Variants in TAFA1 observed in about 807,000 individuals in gnomAD.
TAFA1 encodes the protein TAFA chemokine like family member 1.
A neutral mutation model predicts 18.5 loss-of-function variants in TAFA1; 4 were observed. The observed-to-expected ratio is 0.22, with a 90% confidence interval of 0.11 to 0.49. The LOEUF is 0.49. TAFA1 is among the 20% of genes least tolerant of loss of function. The pLI, the probability that TAFA1 is intolerant of heterozygous loss-of-function variation, is 0.98. For missense variants in TAFA1, 147 were observed against 169.0 expected, an observed-to-expected ratio of 0.87 and a Z score of 0.72; for synonymous variants, 56 against 55.2, an observed-to-expected ratio of 1.01 and a Z score of -0.06.
intron 2 of TAFA1, among the ~76,000 whole-genome samples, chr3:68,131,786 T>C (rs939675278): frequency 6.6e-6 from 1 of 152,228 alleles, no homozygotes; most frequent in Admixed American, 6.5e-5. Flanking sequence ...GGCTCTGCCA[T>C]TTAGCAGACG....
intron 2 of TAFA1, among the ~76,000 whole-genome samples, chr3:68,199,605 G>A (rs1575675431): frequency 1.3e-5 from 2 of 151,398 alleles, no homozygotes; most frequent in African/African-American, 4.8e-5. Context: ...CATTTTGGGG[G>A]ATGCTAATGT....
intron 3 of TAFA1, among the ~76,000 whole-genome samples, chr3:68,485,791 T>C (rs2072324251): frequency 6.6e-6 from 1 of 152,176 alleles, no homozygotes; most frequent in Non-Finnish European, 1.5e-5. Flanking sequence ...AATACTAAAA[T>C]GTACATTTTG....
intron 1 of TAFA1, among the ~76,000 whole-genome samples, chr3:68,006,034 A>C (rs777174928): frequency 6.6e-6 from 1 of 152,234 alleles, no homozygotes; most frequent in East Asian, 1.9e-4. Flanking sequence ...TAGGTGTTGC[A>C]TCTGAAACTC....
At chr3:68,437,289 A>G (rs1284918833) in intron 3 of TAFA1, among the ~76,000 whole-genome samples, 1 of 152,116 alleles carries the variant, frequency 6.6e-6, no homozygotes, top group East Asian at 1.9e-4. Context: ...TCTTGGCACA[A>G]TGTTAAAGAG....
At chr3:68,048,944 A>T (rs1010234127) in intron 2 of TAFA1, among the ~76,000 whole-genome samples, 2 of 152,126 alleles carry the variant, frequency 1.3e-5, no homozygotes, top group African/African-American at 2.4e-5. Context: ...TATCTCTTTG[A>T]TATACTGGTT....
chr3:68,385,417 G>T (rs372914881), intron 2 of TAFA1, among the ~76,000 whole-genome samples: 1 of 152,100 alleles, frequency 6.6e-6, no homozygotes, highest in Non-Finnish European at 1.5e-5. Flanking sequence ...AAGAAAACAA[G>T]ACTTCAAAAC....
At chr3:68,032,701 G>A (rs764989515) in intron 2 of TAFA1, among the ~76,000 whole-genome samples, 3 of 151,936 alleles carry the variant, frequency 2.0e-5, no homozygotes, top group Non-Finnish European at 2.9e-5. Flanking sequence ...AGACTCCTGT[G>A]TCTGTTTCCT....
At chr3:68,210,314 A>T (rs181994823) in intron 2 of TAFA1, among the ~76,000 whole-genome samples, 64 of 152,106 alleles carry the variant, frequency 4.2e-4, no homozygotes, top group African/African-American at 1.5e-3. Flanking sequence ...GGCCCTACAG[A>T]TGCCTCTGGG....
At chr3:68,514,934 G>A (rs747307464) in intron 3 of TAFA1, among the ~76,000 whole-genome samples, 4 of 151,992 alleles carry the variant, frequency 2.6e-5, no homozygotes, top group Non-Finnish European at 5.9e-5. Context: ...ATTTGGATAA[G>A]GTTTGGCAGG....
chr3:68,377,762 G>T lies in TAFA1; in HGVS notation c.119-39518G>T, dbSNP rs569918878. ...CCTCAAAGCCTAGGAGAAAAAAATG[G>T]TTTCGTGATTTGGGTCCAGAGTCCT... On this transcript the variant is annotated intron_variant, in intron 2 of 4. Transcript: ENST00000478136. 2.4e-4 allele frequency among the ~76,000 whole-genome samples: 36 copies of T among 152,198 alleles called. 2 individuals are homozygous for T. Among genetic ancestry groups the T allele is most frequent in the African/African-American group, 8.4e-4 (35 of 41,542 alleles).
chr3:68,135,405 G>A (rs2065595532), intron 2 of TAFA1, among the ~76,000 whole-genome samples: 1 of 152,202 alleles, frequency 6.6e-6, no homozygotes, highest in Non-Finnish European at 1.5e-5. Flanking sequence ...GCATATCTGA[G>A]ATCCTGCATG....
At chr3:68,308,043 A>C (rs2068451691) in intron 2 of TAFA1, among the ~76,000 whole-genome samples, 1 of 152,200 alleles carries the variant, frequency 6.6e-6, no homozygotes, top group Admixed American at 6.5e-5. Context: ...CAAAATGCCA[A>C]GCATAGTAAT....
At chr3:68,534,791 A>G (rs2073248085) in intron 3 of TAFA1, among the ~76,000 whole-genome samples, 1 of 152,088 alleles carries the variant, frequency 6.6e-6, no homozygotes, top group African/African-American at 2.4e-5. Flanking sequence ...ACAAAAGGAA[A>G]CTGCTTTGTT....
intron 3 of TAFA1, among the ~76,000 whole-genome samples, chr3:68,427,654 AC>A (rs375182314): frequency 3.9e-4 from 59 of 151,020 alleles, no homozygotes; most frequent in South Asian, 2.5e-3. Context: ...AAAACCTACC[AC>A]CCCCCCCATA....
chr3:68,319,664 G>T (rs2068666154), intron 2 of TAFA1, among the ~76,000 whole-genome samples: 1 of 152,186 alleles, frequency 6.6e-6, no homozygotes. Context: ...TCTTGGCTTT[G>T]TCCTTTAGGT....
At chr3:68,473,423 G>A (rs1035509607) in intron 3 of TAFA1, among the ~76,000 whole-genome samples, 3 of 152,174 alleles carry the variant, frequency 2.0e-5, no homozygotes, top group Non-Finnish European at 4.4e-5. Context: ...CTTGCCTCTA[G>A]TTGCATAACT....
At chr3:68,254,151 A>G (rs1011311848) in intron 2 of TAFA1, among the ~76,000 whole-genome samples, 40 of 128,100 alleles carry the variant, frequency 3.1e-4, no homozygotes, top group African/African-American at 1.2e-3. Flanking sequence ...CTATCTATCT[A>G]TCTATCTGTC....
At chr3:68,065,682 T>C (rs555757064) in intron 2 of TAFA1, among the ~76,000 whole-genome samples, 1 of 151,832 alleles carries the variant, frequency 6.6e-6, no homozygotes, top group African/African-American at 2.4e-5. Context: ...TAGGTAGATA[T>C]AGAGACGACA....
At chr3:68,359,830 C>T (rs1373094111) in intron 2 of TAFA1, among the ~76,000 whole-genome samples, 1 of 151,916 alleles carries the variant, frequency 6.6e-6, no homozygotes, top group Non-Finnish European at 1.5e-5. Context: ...AGGGCTTTTT[C>T]CATTAGACGA....
Sources: gnomAD v4.1 joint callset for allele counts (sites outside exome capture counted in the v4.1 genomes callset) on GRCh38, gnomAD v4.1.1 for gene constraint, MANE v1.5 for transcripts, NCBI Gene and HGNC (gene_info 2026-07-23, HGNC 2026-07-21) for gene names.